Variants in RHEX observed in about 807,000 individuals in gnomAD.
The protein encoded by RHEX is regulator of hemoglobinization and erythroid cell expansion protein.
Under a neutral mutation model 20.1 loss-of-function variants are expected in RHEX, and 18 were observed. That is an observed-to-expected ratio of 0.90 (90% CI 0.62 to 1.33). The LOEUF (loss-of-function observed/expected upper bound fraction) is 1.33, where lower values mean the gene tolerates loss of function less well. Among genes scored for constraint, RHEX ranks in the 40% most tolerant of loss-of-function variants. RHEX has a pLI of 0.00. For missense variants in RHEX, 192 were observed against 214.3 expected, an observed-to-expected ratio of 0.90 and a Z score of 0.65; for synonymous variants, 87 against 77.1, an observed-to-expected ratio of 1.13 and a Z score of -0.67.
intron 1 of RHEX, among the ~76,000 whole-genome samples, chr1:206,055,077 G>A (rs1662160334): frequency 6.6e-6 from 1 of 152,142 alleles, no homozygotes; most frequent in African/African-American, 2.4e-5. Flanking sequence ...CCACTAAGGT[G>A]GTCCTCCAGT....
intron 1 of RHEX, among the ~76,000 whole-genome samples, chr1:206,086,559 CG>C (rs1343204583): frequency 6.6e-6 from 1 of 152,120 alleles, no homozygotes; most frequent in Non-Finnish European, 1.5e-5. Context: ...GTCCCCTCCA[CG>C]GGGGATTACA....
At chr1:206,072,246 G>A (rs1553284736) in intron 1 of RHEX, among the ~76,000 whole-genome samples, 2 of 152,182 alleles carry the variant, frequency 1.3e-5, no homozygotes, top group Admixed American at 6.5e-5. Flanking sequence ...GATGAACATA[G>A]AAACATGGCC....
intron 1 of RHEX, among the ~76,000 whole-genome samples, chr1:206,079,010 T>C (rs781924849): frequency 6.6e-6 from 1 of 152,234 alleles, no homozygotes; most frequent in Admixed American, 6.5e-5. Flanking sequence ...ATTTGAATCC[T>C]GATTCTGCTA....
intron 1 of RHEX, among the ~76,000 whole-genome samples, chr1:206,090,811 G>C (rs975571489): frequency 6.6e-6 from 1 of 151,694 alleles, no homozygotes. Context: ...TAAATCTCAT[G>C]GTATTTTTCC....
At chr1:206,095,594 A>G (rs1553287564) in intron 1 of RHEX, among the ~76,000 whole-genome samples, 1 of 152,156 alleles carries the variant, frequency 6.6e-6, no homozygotes, top group Non-Finnish European at 1.5e-5. Context: ...AGGCAGGCGG[A>G]TCACCTGAGG....
intron 1 of RHEX, among the ~76,000 whole-genome samples, chr1:206,077,083 C>T (rs1553285354): frequency 6.6e-6 from 1 of 152,134 alleles, no homozygotes; most frequent in African/African-American, 2.4e-5. Context: ...CGTGTCCACT[C>T]CCTACTACAT....
intron 4 of RHEX, 45 bp from the exon 5 acceptor site, chr1:206,101,091 C>T: frequency 6.6e-7 from 1 of 1,508,118 alleles, no homozygotes; most frequent in Non-Finnish European, 9.2e-7. Context: ...CTCTTAACAC[C>T]CTCTGGCTTG....
At chr1:206,089,439 G>A (rs1553286743) in intron 1 of RHEX, among the ~76,000 whole-genome samples, 1 of 152,144 alleles carries the variant, frequency 6.6e-6, no homozygotes, top group African/African-American at 2.4e-5. Flanking sequence ...CTCCAGATGA[G>A]TTCTTCCTAA....
intron 1 of RHEX, among the ~76,000 whole-genome samples, chr1:206,090,426 C>T (rs782759079): frequency 2.6e-5 from 4 of 151,920 alleles, no homozygotes; most frequent in East Asian, 1.9e-4. Context: ...AGGCTGGTCT[C>T]GAACTCTTGA....
In RHEX at chr1:206,099,644, C is replaced by A. The variant is rs782772416; in HGVS notation, c.113-11C>A. Reference sequence around the variant, plus strand: ...AGTTTCCACTTTTGATCCCTGCCCTCTCCCTTCCAGCCCACAAGAGTGAAC... The same window carrying A: ...AGTTTCCACTTTTGATCCCTGCCCTATCCCTTCCAGCCCACAAGAGTGAAC... On this transcript the variant is annotated splice_polypyrimidine_tract_variant and intron_variant, in intron 3 of 5. Coordinates refer to ENST00000331555, the MANE Select transcript of RHEX (RefSeq NM_001007544.4). 1.2e-5 allele frequency: 19 copies of A among 1,613,224 alleles called. No homozygotes were observed. The highest frequency in any genetic ancestry group is 1.5e-5 in the Non-Finnish European group (18 of 1,179,798).
At chr1:206,078,003 G>A (rs562130320) in intron 1 of RHEX, among the ~76,000 whole-genome samples, 8 of 152,186 alleles carry the variant, frequency 5.3e-5, no homozygotes, top group South Asian at 2.1e-4. Flanking sequence ...CTGAGGTTTC[G>A]CTGTACACAA....
intron 4 of RHEX, 67 bp from the exon 5 acceptor site, chr1:206,101,069 T>C (rs1663176351): frequency 2.4e-6 from 3 of 1,273,418 alleles, no homozygotes; most frequent in East Asian, 4.7e-5. Context: ...TCCCTTCCAT[T>C]GTCTCTATCC....
At chr1:206,068,838 G>A (rs557456916) in intron 1 of RHEX, among the ~76,000 whole-genome samples, 174 of 152,230 alleles carry the variant, frequency 1.1e-3, no homozygotes, top group Non-Finnish European at 2.0e-3. Context: ...TTTCCCCAGG[G>A]GGCATCCCAT....
At chr1:206,086,558 AC>A (rs1287857030) in intron 1 of RHEX, among the ~76,000 whole-genome samples, 18 of 152,318 alleles carry the variant, frequency 1.2e-4, no homozygotes, top group African/African-American at 3.8e-4. Context: ...TGTCCCCTCC[AC>A]GGGGGATTAC....
At chr1:206,099,263 G>A (rs1196829602) in intron 3 of RHEX, among the ~76,000 whole-genome samples, 1 of 152,126 alleles carries the variant, frequency 6.6e-6, no homozygotes, top group Non-Finnish European at 1.5e-5. Flanking sequence ...GCTTTACTGA[G>A]GGCAGTGTTC....
At chr1:206,087,157 AT>A (rs1205436040) in intron 1 of RHEX, among the ~76,000 whole-genome samples, 5 of 152,240 alleles carry the variant, frequency 3.3e-5, no homozygotes, top group African/African-American at 1.2e-4. Flanking sequence ...ACACCTGACC[AT>A]TTGCCTATAC....
chr1:206,089,335 G>A (rs571872433), intron 1 of RHEX, among the ~76,000 whole-genome samples: 8 of 152,124 alleles, frequency 5.3e-5, no homozygotes, highest in Non-Finnish European at 1.2e-4. Flanking sequence ...GAGCCACCAC[G>A]CCCAGCCTTA....
intron 1 of RHEX, among the ~76,000 whole-genome samples, chr1:206,070,626 C>T (rs764893562): frequency 1.3e-5 from 2 of 152,206 alleles, no homozygotes; most frequent in African/African-American, 2.4e-5. Context: ...GCCAGCTTCT[C>T]GTGTCCAGTG....
In RHEX at chr1:206,102,134, G is replaced by GA. The variant is rs1168297946; in HGVS notation, c.*182_*183insA. 1.6e-6 allele frequency: 1 copy of GA among 628,018 alleles called. No homozygotes were observed. The highest frequency in any genetic ancestry group is 2.8e-6 in the Non-Finnish European group (1 of 357,400). The allele number at this position is 628,018 out of a possible 1,614,324, so 38.9% of individuals were successfully genotyped here. ...AGGTCCTCAAGACCCATGGACTCCTGGTCTGTACCCAAAAAAGCTGTTCGT... is the reference window on the plus strand; with the variant it reads ...AGGTCCTCAAGACCCATGGACTCCTGAGTCTGTACCCAAAAAAGCTGTTCGT... On this transcript the variant is annotated 3_prime_UTR_variant, in exon 6 of 6. Transcript: ENST00000331555.
Sources: gnomAD v4.1 joint callset for allele counts (sites outside exome capture counted in the v4.1 genomes callset) on GRCh38, gnomAD v4.1.1 for gene constraint, MANE v1.5 for transcripts, NCBI Gene and HGNC (gene_info 2026-07-23, HGNC 2026-07-21) for gene names.